Variants in SPTLC2 observed in about 807,000 individuals in gnomAD.
SPTLC2 encodes the protein serine palmitoyltransferase 2.
A neutral mutation model predicts 62.0 loss-of-function variants in SPTLC2; 21 were observed. The observed-to-expected ratio is 0.34, with a 90% confidence interval of 0.24 to 0.49. SPTLC2 has a LOEUF of 0.49. Ranked by LOEUF, SPTLC2 falls within the 20% of genes least tolerant of loss-of-function variation. The pLI is 0.99. For synonymous variants in SPTLC2, 261 were observed against 261.8 expected, an observed-to-expected ratio of 1.00 and a Z score of 0.03; for missense variants, 511 against 713.0, an observed-to-expected ratio of 0.72 and a Z score of 3.23.
chr14:77,552,805 TAAAAAA>T (rs58847640), intron 8 of SPTLC2, among the ~76,000 whole-genome samples: 8 of 130,978 alleles, frequency 6.1e-5, no homozygotes, highest in Non-Finnish European at 6.4e-5. Context: ...GACTCCGTCT[TAAAAAA>T]AAAAAAAAAA....
At chr14:77,579,547 G>A (rs775117999) in intron 2 of SPTLC2, among the ~76,000 whole-genome samples, 3 of 152,054 alleles carry the variant, frequency 2.0e-5, no homozygotes, top group Non-Finnish European at 4.4e-5. Flanking sequence ...TCAGGAGTTC[G>A]GGACAAGCCT....
intron 4 of SPTLC2, among the ~76,000 whole-genome samples, chr14:77,571,068 C>T (rs537749510): frequency 2.1e-4 from 32 of 152,296 alleles, no homozygotes; most frequent in African/African-American, 7.7e-4. Flanking sequence ...ATACCCTGTA[C>T]ACAGTCATAA....
intron 1 of SPTLC2, among the ~76,000 whole-genome samples, chr14:77,597,600 C>T (rs1340806725): frequency 6.1e-5 from 3 of 48,988 alleles, no homozygotes; most frequent in African/African-American, 1.9e-4. Context: ...CATGGTGAAA[C>T]CTGTCTCTAC....
chr14:77,554,134 C>T (rs777967362), intron 8 of SPTLC2, among the ~76,000 whole-genome samples: 1 of 152,168 alleles, frequency 6.6e-6, no homozygotes, highest in Non-Finnish European at 1.5e-5. Flanking sequence ...TTCTTTAATA[C>T]TCCGAATATT....
intron 11 of SPTLC2, 110 bp downstream of exon 11, chr14:77,517,928 G>T: frequency 6.4e-7 from 1 of 1,555,744 alleles, no homozygotes; most frequent in Non-Finnish European, 8.8e-7. Context: ...CACCCCCTCT[G>T]TCTTAGGTGC....
rs2079332636 is a variant in SPTLC2 at position 77,511,640 on chromosome 14, A to AATCATCTGGTGACCAGAAGAAAATGGAAT, written c.*615_*643dup. 1 of 156,052 alleles carries AATCATCTGGTGACCAGAAGAAAATGGAAT rather than the reference A, an allele frequency of 6.4e-6. No homozygotes were observed. Among genetic ancestry groups the AATCATCTGGTGACCAGAAGAAAATGGAAT allele is most frequent in the Non-Finnish European group, 1.4e-5 (1 of 70,352 alleles). 9.7% of individuals were successfully genotyped at this position (156,052 alleles called of 1,614,324 possible). ...AGAAGTATTTGATGGTAAAGGAAGAAATCATCTGGTGACCAGAAGAAAATG... is the reference window on the plus strand; with the variant it reads ...AGAAGTATTTGATGGTAAAGGAAGAAATCATCTGGTGACCAGAAGAAAATGGAATATCATCTGGTGACCAGAAGAAAATG... On this transcript the variant is annotated 3_prime_UTR_variant, in exon 12 of 12. Transcript: ENST00000216484.
intron 8 of SPTLC2, among the ~76,000 whole-genome samples, chr14:77,554,316 GT>G (rs2079571386): frequency 6.6e-6 from 1 of 152,150 alleles, no homozygotes; most frequent in Non-Finnish European, 1.5e-5. Context: ...CAATTCAGTG[GT>G]TTTTAGTATA....
rs2079322395 is a variant in SPTLC2 at position 77,509,589 on chromosome 14, A to C, written c.*2695T>G. The C allele has an allele frequency of 3.5e-6, 1 of 285,334 alleles. No homozygotes were observed. Among genetic ancestry groups the C allele is most frequent in the Non-Finnish European group, 6.4e-6 (1 of 155,184 alleles). 17.7% of individuals were successfully genotyped at this position (285,334 alleles called of 1,614,324 possible). A position where few individuals can be genotyped will look rare whatever the true frequency, so the allele number is the denominator to read the frequency against. ...CAGAGTCTTGAATCAGGCCGTGTTA[A>C]ACTGTGTAAGAAACTACTCTTGTAT... On this transcript the variant is annotated 3_prime_UTR_variant, in exon 12 of 12. Coordinates refer to ENST00000216484, the MANE Select transcript of SPTLC2 (RefSeq NM_004863.4).
Position 77,616,549 on chromosome 14 carries a change from G to GGCAGCAGCAGCCTCCGGGCTCCGGCC in SPTLC2, c.5_30dup (p.Arg11GlyfsTer29). The GGCAGCAGCAGCCTCCGGGCTCCGGCC allele has an allele frequency of 6.5e-7, 1 of 1,536,432 alleles. No homozygotes were observed. Among genetic ancestry groups the GGCAGCAGCAGCCTCCGGGCTCCGGCC allele is most frequent in the Non-Finnish European group, 8.7e-7 (1 of 1,147,030 alleles). ...CAGCCATTCGCCCGCACCGTGCGGC[G>GGCAGCAGCAGCCTCCGGGCTCCGGCC]GCAGCAGCAGCCTCCGGGCTCCGGC... On this transcript the variant is annotated frameshift_variant, in exon 1 of 12. Coordinates refer to ENST00000216484, the MANE Select transcript of SPTLC2 (RefSeq NM_004863.4). LOFTEE classifies it high-confidence loss of function.
intron 2 of SPTLC2, among the ~76,000 whole-genome samples, chr14:77,596,510 T>TAAATAAAC (rs1555377974): frequency 0.2 from 29,628 of 150,820 alleles, 3,187 homozygotes; most frequent in East Asian, 0.43. Context: ...TCTCAAAAAA[T>TAAATAAAC]AAACAAACAA....
At position 77,510,792 on chromosome 14, in the gene SPTLC2, C is replaced by T. The variant is rs577067247; in HGVS notation, c.*1492G>A. Reference sequence around the variant, plus strand: ...CTCGGCCTGTAACATGACTTTCATACACTGTTTTTCCATTCTGTTCCCAAT... The same window carrying T: ...CTCGGCCTGTAACATGACTTTCATATACTGTTTTTCCATTCTGTTCCCAAT... On this transcript the variant is annotated 3_prime_UTR_variant, in exon 12 of 12. Transcript: ENST00000216484. 6.6e-6 allele frequency: 1 copy of T among 152,648 alleles called. No individual in the cohort carries two copies. The highest frequency in any genetic ancestry group is 1.9e-4 in the East Asian group (1 of 5,188). The allele number at this position is 152,648 out of a possible 1,614,324, so 9.5% of individuals were successfully genotyped here.
chr14:77,614,843 C>A (rs181627016), intron 1 of SPTLC2, among the ~76,000 whole-genome samples: 2 of 143,190 alleles, frequency 1.4e-5, no homozygotes, highest in South Asian at 2.3e-4. Context: ...TGATGACGGG[C>A]GCCTGTAATC....
At chr14:77,577,637 C>T (rs1304844523) in intron 3 of SPTLC2, among the ~76,000 whole-genome samples, 4 of 152,248 alleles carry the variant, frequency 2.6e-5, no homozygotes, top group Middle Eastern at 3.4e-3. Flanking sequence ...CGGTGGCTCA[C>T]GCCTGTAATC....
intron 5 of SPTLC2, among the ~76,000 whole-genome samples, chr14:77,569,243 G>A (rs931883352): frequency 1.3e-5 from 2 of 151,570 alleles, no homozygotes; most frequent in Admixed American, 6.6e-5. Flanking sequence ...TTTAACCTCT[G>A]TGTCTTCATA....
At chr14:77,522,221 C>T (rs529422726) in intron 9 of SPTLC2, among the ~76,000 whole-genome samples, 36 of 151,754 alleles carry the variant, frequency 2.4e-4, no homozygotes, top group African/African-American at 6.3e-4. Context: ...TGGAGTGCAA[C>T]GGCACGATCT....
At chr14:77,534,842 T>G (rs901459364) in intron 9 of SPTLC2, among the ~76,000 whole-genome samples, 16 of 152,272 alleles carry the variant, frequency 1.1e-4, no homozygotes, top group South Asian at 4.1e-4. Context: ...TTATGCAGCT[T>G]ACATTCCAGT....
intron 2 of SPTLC2, among the ~76,000 whole-genome samples, chr14:77,584,354 A>G (rs889224693): frequency 2.0e-5 from 3 of 152,218 alleles, no homozygotes; most frequent in Non-Finnish European, 4.4e-5. Flanking sequence ...TGTTTACATG[A>G]TGATGATAAA....
intron 9 of SPTLC2, among the ~76,000 whole-genome samples, chr14:77,545,054 G>GC (rs2079520625): frequency 6.6e-6 from 1 of 151,736 alleles, no homozygotes; most frequent in South Asian, 2.1e-4. Context: ...TATTACCATG[G>GC]CCCCCTTGAA....
intron 5 of SPTLC2, among the ~76,000 whole-genome samples, chr14:77,563,828 T>G (rs1688936581): frequency 1.3e-5 from 2 of 152,220 alleles, no homozygotes; most frequent in Non-Finnish European, 2.9e-5. Context: ...TATATATACA[T>G]GCTTATTTAT....
Sources: gnomAD v4.1 joint callset for allele counts (sites outside exome capture counted in the v4.1 genomes callset) on GRCh38, gnomAD v4.1.1 for gene constraint, MANE v1.5 for transcripts, NCBI Gene and HGNC (gene_info 2026-07-23, HGNC 2026-07-21) for gene names.